XDH: variants seen among roughly 807,000 people sequenced by gnomAD.
The protein encoded by XDH is xanthine dehydrogenase.
A neutral mutation model predicts 156.1 loss-of-function variants in XDH; 138 were observed. The observed-to-expected ratio is 0.88, with a 90% CI of 0.77 to 1.02. XDH has a LOEUF of 1.02. Ranked by LOEUF, XDH falls within the 50% of genes least tolerant of loss-of-function variation. The pLI is 0.00. For missense variants in XDH, 1,849 were observed against 1,684.9 expected, an observed-to-expected ratio of 1.10 and a Z score of -1.71; for synonymous variants, 669 against 625.7, an observed-to-expected ratio of 1.07 and a Z score of -1.03.
At chr2:31,348,782 G>C in intron 27 of XDH, 117 bp downstream of exon 27, 1 of 900,576 alleles carries the variant, frequency 1.1e-6, no homozygotes, top group Non-Finnish European at 1.8e-6. Flanking sequence ...AGAGCAAAGA[G>C]TTCCTCCAGT....
At chr2:31,395,538 A>C (rs1171729268) in intron 6 of XDH, among the ~76,000 whole-genome samples, 1 of 152,220 alleles carries the variant, frequency 6.6e-6, no homozygotes, top group Non-Finnish European at 1.5e-5. Flanking sequence ...TTTTTCTCCA[A>C]CATTTACTGT....
intron 30 of XDH, 68 bp downstream of exon 30, chr2:31,346,701 C>G: frequency 6.3e-7 from 1 of 1,578,368 alleles, no homozygotes; most frequent in Non-Finnish European, 8.7e-7. Flanking sequence ...TGTTCGGATT[C>G]GGAACGGAGG....
At chr2:31,356,546 C>A (rs1034277041) in intron 24 of XDH, among the ~76,000 whole-genome samples, 5 of 152,158 alleles carry the variant, frequency 3.3e-5, no homozygotes, top group Admixed American at 6.5e-5. Flanking sequence ...TGGACTGATG[C>A]AACCACAAGT....
intron 15 of XDH, 90 bp from the exon 16 acceptor site, chr2:31,374,046 A>C: frequency 7.7e-7 from 1 of 1,296,882 alleles, no homozygotes; most frequent in Non-Finnish European, 1.1e-6. Context: ...CAAACTGATA[A>C]CTGATCCCCT....
chr2:31,405,471 G>T (rs994460803), intron 2 of XDH, among the ~76,000 whole-genome samples: 1 of 151,944 alleles, frequency 6.6e-6, no homozygotes, highest in Non-Finnish European at 1.5e-5. Flanking sequence ...CTTACCTCAC[G>T]CATCCTTTTC....
chr2:31,383,274 C>G, intron 10 of XDH, 122 bp from the exon 11 acceptor site: 1 of 1,481,382 alleles, frequency 6.8e-7, no homozygotes. Context: ...CACAGCTTTC[C>G]ATGGATGAGG....
rs1684953531 is a variant in XDH, at chr2:31,335,662, T to C, written c.*296A>G. The C allele has an allele frequency of 4.0e-6, 2 of 500,210 alleles. No individual in the cohort carries two copies. Among genetic ancestry groups the C allele is most frequent in the East Asian group, 3.8e-5 (1 of 26,550 alleles). The allele number at this position is 500,210 out of a possible 1,614,324, so 31.0% of individuals were successfully genotyped here. A position where few individuals can be genotyped will look rare whatever the true frequency, so the allele number is the denominator to read the frequency against. ...TACAGGCTGTCCAGTAAGTGGGGAA[T>C]AGCACAAACCCTTCCCGACCCTATT... On this transcript the variant is annotated 3_prime_UTR_variant, in exon 36 of 36. Transcript: ENST00000379416.
At chr2:31,377,336 A>ATCCCC in intron 13 of XDH, 99 bp from the exon 14 acceptor site, 4 of 1,319,272 alleles carry the variant, frequency 3.0e-6, no homozygotes, top group Non-Finnish European at 4.3e-6. Context: ...GTGAGGGGAT[A>ATCCCC]ACACCATCAC....
intron 2 of XDH, 40 bp downstream of exon 2, chr2:31,405,867 G>A: frequency 2.5e-6 from 4 of 1,609,836 alleles, no homozygotes; most frequent in Non-Finnish European, 3.4e-6. Context: ...AGTCACCATT[G>A]CCCCCCTTCT....
At chr2:31,405,088 T>G (rs1451395105) in intron 2 of XDH, among the ~76,000 whole-genome samples, 4 of 152,102 alleles carry the variant, frequency 2.6e-5, no homozygotes, top group Non-Finnish European at 4.4e-5. Flanking sequence ...GCAATCTCCA[T>G]CACTATTTCC....
rs767167055 is a variant in XDH, at chr2:31,398,730, G to A, written c.307-31C>T. ...AGATACAGATGACATAGACACCTGG[G>A]ATGGCAGAACCCTCCCAGGCTCCCC... is the stretch of plus-strand genomic sequence containing the variant. On this transcript the variant is annotated intron_variant, in intron 4 of 35. Transcript: ENST00000379416. 3 of 1,612,626 alleles carry A rather than the reference G, an allele frequency of 1.9e-6. No individual in the cohort carries two copies. In the South Asian group the frequency reaches 3.3e-5, roughly 18 times the overall value.
chr2:31,401,190 C>T, intron 4 of XDH, 30 bp downstream of exon 4: 1 of 1,611,734 alleles, frequency 6.2e-7, no homozygotes, highest in East Asian at 2.2e-5. Flanking sequence ...AGCCTGATCT[C>T]AAGAGCACAG....
chr2:31,346,863 C>T lies in XDH; in HGVS notation c.3277-20G>A, dbSNP rs1312375718. On this transcript the variant is annotated intron_variant, in intron 29 of 35. Coordinates refer to ENST00000379416, the MANE Select transcript of XDH (RefSeq NM_000379.4). Reference sequence around the variant, plus strand: ...AGCCGCCTAAAGTAAACACCCCCCACACCCCAGACACATCAGTCCTCTGCA... The same window carrying T: ...AGCCGCCTAAAGTAAACACCCCCCATACCCCAGACACATCAGTCCTCTGCA... 4 of 1,613,738 alleles carry T rather than the reference C, an allele frequency of 2.5e-6. No homozygotes were observed. The African/African-American group carries it at 4.0e-5, about 16-fold the overall frequency.
At chr2:31,358,795 A>C (rs948541288) in intron 24 of XDH, among the ~76,000 whole-genome samples, 1 of 152,112 alleles carries the variant, frequency 6.6e-6, no homozygotes, top group African/African-American at 2.4e-5. Context: ...CAAACAAACA[A>C]ACAAAACCCT....
intron 24 of XDH, among the ~76,000 whole-genome samples, chr2:31,355,777 A>G (rs1685607131): frequency 6.6e-6 from 1 of 152,230 alleles, no homozygotes; most frequent in Admixed American, 6.5e-5. Context: ...GCCTCAACAC[A>G]TCAATCATTA....
rs139670177 is a variant in XDH at position 31,372,748 on chromosome 2, C to T, written c.1687-351G>A. Among the ~76,000 whole-genome samples, 11 of 152,162 alleles carry T rather than the reference C, an allele frequency of 7.2e-5. No individual in the cohort carries two copies. The East Asian group carries it at 7.7e-4, about 11-fold the overall frequency. ...AGGATTGTTCATGCAAGCATAAAAACGTGACGCAAAACATTTGTGTTTGTG... is the reference window on the plus strand; with the variant it reads ...AGGATTGTTCATGCAAGCATAAAAATGTGACGCAAAACATTTGTGTTTGTG... On this transcript the variant is annotated intron_variant, in intron 16 of 35. Coordinates refer to ENST00000379416, the MANE Select transcript of XDH (RefSeq NM_000379.4).
intron 5 of XDH, 119 bp downstream of exon 5, chr2:31,398,454 G>T: frequency 1.3e-6 from 2 of 1,560,750 alleles, no homozygotes; most frequent in South Asian, 1.1e-5. Context: ...CCTTGTTGGG[G>T]GGCCTGAGCC....
intron 18 of XDH, 21 bp from the exon 19 acceptor site, chr2:31,368,681 T>C (rs561484518): frequency 1.2e-5 from 20 of 1,614,190 alleles, no homozygotes; most frequent in Admixed American, 3.3e-5. Flanking sequence ...AGACAGACTG[T>C]TAAAGAACGC....
Position 31,365,483 on chromosome 2 carries a change from T to G in XDH, c.2518A>C (p.Arg840=). The change falls in exon 23 of 36, where the codon AGA becomes CGA. Residue 840 remains arginine (R), a synonymous_variant. Transcript: ENST00000379416. ...TTGTATCTGGCCAGGAAGGGATGTC[T>G]GCCACCAGTTATCAGCATGTCCTCA... is the stretch of plus-strand genomic sequence containing the variant. ...RDEDMLITGG[R]HPFLARYKVG... The G allele has an allele frequency of 6.2e-7, 1 of 1,614,198 alleles. No homozygotes were observed. Among genetic ancestry groups the G allele is most frequent in the Non-Finnish European group, 8.5e-7 (1 of 1,180,028 alleles).
Sources: allele counts gnomAD v4.1 joint callset (sites outside exome capture counted in the v4.1 genomes callset), GRCh38; gene constraint gnomAD v4.1.1; transcripts MANE v1.5; gene names NCBI Gene and HGNC (gene_info 2026-07-23, HGNC 2026-07-21).